Variants in DPH6 observed in about 807,000 individuals in gnomAD.
The protein encoded by DPH6 is diphthine--ammonia ligase.
DPH6 carries 33 observed loss-of-function variants against 38.2 expected under a neutral mutation model. That is an observed-to-expected ratio of 0.86 (90% CI 0.65 to 1.15). The LOEUF (loss-of-function observed/expected upper bound fraction) is 1.15, where lower values mean the gene tolerates loss of function less well. Ranked by LOEUF, DPH6 falls within the 50% of genes most tolerant of loss-of-function variation. The pLI is 0.00. For synonymous variants in DPH6, 108 were observed against 103.0 expected, an observed-to-expected ratio of 1.05 and a Z score of -0.30; for missense variants, 325 against 320.0, an observed-to-expected ratio of 1.02 and a Z score of -0.12.
Position 35,307,374 on chromosome 15 carries a change from T to C in DPH6, n.200+66147A>G, listed in dbSNP as rs978920632. Among the ~76,000 whole-genome samples the C allele has an allele frequency of 2.9e-4, 44 of 152,168 alleles. 1 individual carries two copies. Among genetic ancestry groups the C allele is most frequent in the African/African-American group, 9.9e-4 (41 of 41,438 alleles). On this transcript the variant is annotated intron_variant and non_coding_transcript_variant, in intron 3 of 3. Coordinates refer to the DPH6 transcript ENST00000560386. ...TATTATTAAAGATGGAATTACAGTT[T>C]TCAAAAATTTGAATGCTATAAAAGC...
At chr15:35,196,167 A>T in the DPH6 span, among the ~76,000 whole-genome samples, 2 of 152,240 alleles carry the variant, frequency 1.3e-5, no homozygotes, top group African/African-American at 4.8e-5. Flanking sequence ...AACGTAAAAT[A>T]GTAGAAAACA....
At chr15:35,320,098 C>T (rs768670687) in intron 3 of DPH6, among the ~76,000 whole-genome samples, 23 of 151,964 alleles carry the variant, frequency 1.5e-4, no homozygotes, top group Non-Finnish European at 2.9e-4. Flanking sequence ...TAAAAAATCA[C>T]GAATCATTTC....
At chr15:35,315,514 G>T (rs1285743944) in intron 3 of DPH6, among the ~76,000 whole-genome samples, 1 of 152,194 alleles carries the variant, frequency 6.6e-6, no homozygotes, top group Admixed American at 6.5e-5. Flanking sequence ...GGTCCAAATG[G>T]TTTATGTCAA....
chr15:35,538,454 T>A lies in DPH6; in HGVS notation c.132A>T (p.Glu44Asp). The A allele has an allele frequency of 6.5e-7, 1 of 1,547,008 alleles. No individual in the cohort carries two copies. ...RPAENQVGSD[E>D]LDSYMYQTVG... ...CTGTCTGATACATGTAGCTATCCAG[T>A]TCATCAGACCCCACTGCAACAATTA... Residue 44 changes from glutamate (E) to aspartate (D), a missense_variant, in exon 3 of 9, where the codon GAA becomes GAT. By Grantham distance (45) the Glu-to-Asp change is conservative (BLOSUM62 2). Coordinates refer to ENST00000256538, the MANE Select transcript of DPH6 (RefSeq NM_080650.4).
At chr15:35,326,040 C>T (rs992958782), downstream of DPH6, among the ~76,000 whole-genome samples, 12 of 152,004 alleles carry the variant, frequency 7.9e-5, no homozygotes, top group East Asian at 1.2e-3. Flanking sequence ...TTTAAAAACC[C>T]GACAGTACCA....
At chr15:35,409,585 A>G (rs1184091908) in intron 6 of DPH6, among the ~76,000 whole-genome samples, 1 of 152,006 alleles carries the variant, frequency 6.6e-6, no homozygotes, top group African/African-American at 2.4e-5. Context: ...CTTTTGGCCA[A>G]TAACTTTGGC....
chr15:35,164,420 T>C, the DPH6 span, among the ~76,000 whole-genome samples: 2 of 151,808 alleles, frequency 1.3e-5, no homozygotes, highest in Non-Finnish European at 2.9e-5. Flanking sequence ...TTTGGAGCAG[T>C]GGCAGAGTTC....
chr15:35,148,872 A>G, the DPH6 span, among the ~76,000 whole-genome samples: 12 of 152,200 alleles, frequency 7.9e-5, no homozygotes, highest in African/African-American at 2.9e-4. Context: ...ATGAGTATTA[A>G]TGTGCATAAA....
At chr15:35,254,796 G>A (rs1360598259) in intron 3 of DPH6, among the ~76,000 whole-genome samples, 1 of 151,986 alleles carries the variant, frequency 6.6e-6, no homozygotes, top group African/African-American at 2.4e-5. Context: ...GGGTGGGGCC[G>A]TTTTATAGGA....
In DPH6 at chr15:35,522,065, G is replaced by C. The variant is rs767850879; in HGVS notation, c.312+16209C>G. The C allele has an allele frequency of 4.4e-6, 7 of 1,607,642 alleles. No individual in the cohort carries two copies. The African/African-American group carries it at 9.4e-5, about 22-fold the overall frequency. ...GTCTAAGTTTTTAAACAGGAAAAGG[G>C]TTGAGGGGAATCAGTAAAACTGGAA... On this transcript the variant is annotated intron_variant, in intron 3 of 8. Transcript: ENST00000256538.
intron 3 of DPH6, among the ~76,000 whole-genome samples, chr15:35,223,982 G>A (rs1333762060): frequency 3.5e-4 from 52 of 150,644 alleles, no homozygotes; most frequent in Non-Finnish European, 8.8e-5. Context: ...TGTCTCCATA[G>A]TTTTGTCTCT....
chr15:35,368,378 T>C (rs2140915844), downstream of DPH6, among the ~76,000 whole-genome samples: 1 of 152,016 alleles, frequency 6.6e-6, no homozygotes, highest in South Asian at 2.1e-4. Context: ...AAGGATGCTA[T>C]GGCCATATGT....
intron 3 of DPH6, among the ~76,000 whole-genome samples, chr15:35,322,761 A>T (rs1266928359): frequency 6.6e-6 from 1 of 151,950 alleles, no homozygotes; most frequent in Non-Finnish European, 1.5e-5. Flanking sequence ...TGAAAGTGTG[A>T]CCTCCTTAAA....
intron 3 of DPH6, chr15:35,299,542 C>T: frequency 7.2e-6 from 4 of 559,360 alleles, no homozygotes; most frequent in Non-Finnish European, 1.3e-5. Context: ...CGGCACCACC[C>T]TCCGCTGAGT....
chr15:35,339,088 C>T (rs1240185914), intron 3 of DPH6, among the ~76,000 whole-genome samples: 6 of 152,012 alleles, frequency 3.9e-5, no homozygotes, highest in Admixed American at 2.6e-4. Flanking sequence ...ATGTAAATGA[C>T]GAGTTAATGG....
At chr15:35,333,477 T>C (rs1462282538) in intron 3 of DPH6, among the ~76,000 whole-genome samples, 1 of 152,146 alleles carries the variant, frequency 6.6e-6, no homozygotes, top group Non-Finnish European at 1.5e-5. Context: ...CGTCAGGCCA[T>C]GATTAGAAAG....
chr15:35,178,403 A>T, the DPH6 span, among the ~76,000 whole-genome samples: 2 of 152,220 alleles, frequency 1.3e-5, no homozygotes, highest in African/African-American at 2.4e-5. Flanking sequence ...ACATGGCAGC[A>T]GGCAAGAGAG....
At chr15:35,201,247 T>C in the DPH6 span, among the ~76,000 whole-genome samples, 1 of 151,774 alleles carries the variant, frequency 6.6e-6, no homozygotes, top group Middle Eastern at 3.2e-3. Flanking sequence ...CCAGATAATC[T>C]ACCCTATCTA....
At chr15:35,495,133 T>C (rs936300274) in intron 3 of DPH6, among the ~76,000 whole-genome samples, 1 of 152,202 alleles carries the variant, frequency 6.6e-6, no homozygotes. Flanking sequence ...AAAATTCATA[T>C]GTTGAAGTTC....
Sources: gnomAD v4.1 joint callset for allele counts (sites outside exome capture counted in the v4.1 genomes callset) on GRCh38, gnomAD v4.1.1 for gene constraint, MANE v1.5 for transcripts, NCBI Gene and HGNC (gene_info 2026-07-23, HGNC 2026-07-21) for gene names.